Variants in LYST observed in about 807,000 individuals in gnomAD.
LYST encodes lysosomal-trafficking regulator.
A neutral mutation model predicts 413.6 loss-of-function variants in LYST; 192 were observed. The ratio of observed to expected loss-of-function variants is 0.46; its 90% CI spans 0.41 to 0.52. The LOEUF is 0.52. Among genes scored for constraint, LYST ranks in the 20% least tolerant of loss-of-function variants. LYST has a pLI of 0.00. For missense variants in LYST, 3,815 were observed against 4,499.9 expected, an observed-to-expected ratio of 0.85 and a Z score of 4.35; for synonymous variants, 1,525 against 1,567.3, an observed-to-expected ratio of 0.97 and a Z score of 0.64.
At chr1:235,680,037 CT>C (rs1216490085) in intron 48 of LYST, among the ~76,000 whole-genome samples, 37 of 143,940 alleles carry the variant, frequency 2.6e-4, no homozygotes, top group African/African-American at 8.7e-4. Context: ...ACACACACAA[CT>C]AAGACTGAAT....
At chr1:235,880,937 C>T (rs1681349930) in intron 1 of LYST, among the ~76,000 whole-genome samples, 3 of 152,086 alleles carry the variant, frequency 2.0e-5, no homozygotes, top group African/African-American at 7.2e-5. Context: ...ACCAGCCTAA[C>T]CAACATGGTG....
chr1:235,882,078 TCACACACACACACA>T (rs71174466), intron 1 of LYST, among the ~76,000 whole-genome samples: 1 of 145,730 alleles, frequency 6.9e-6, no homozygotes. Flanking sequence ...ACTCTTTCTT[TCACACACACACACA>T]CACACACACA....
At chr1:235,777,353 A>G in intron 16 of LYST, 45 bp from the exon 17 acceptor site, 1 of 1,553,352 alleles carries the variant, frequency 6.4e-7, no homozygotes, top group South Asian at 1.1e-5. Context: ...CAAGTTTAAA[A>G]TGCAAGCTAT....
intron 14 of LYST, among the ~76,000 whole-genome samples, chr1:235,782,342 G>T (rs954879817): frequency 1.1e-4 from 17 of 151,648 alleles, no homozygotes; most frequent in African/African-American, 4.1e-4. Flanking sequence ...TTAATTTTTT[G>T]TATTTTTTTT....
At position 235,698,014 on chromosome 1, in the gene LYST, A is replaced by G. The variant is rs139168634; in HGVS notation, c.10375-742T>C. The stretch of plus-strand genomic sequence containing the variant: ...TCCTCCACTTCAAGCAAAAACAGTT[A>G]TTAAAAAGTTTCAAAATGAAGAAGA... On this transcript the variant is annotated intron_variant, in intron 45 of 52. Transcript: ENST00000389793. Among the ~76,000 whole-genome samples the G allele has an allele frequency of 3.1e-3, 467 of 152,334 alleles. 1 individual carries two copies. Among genetic ancestry groups the G allele is most frequent in the African/African-American group, 0.01 (427 of 41,588 alleles).
intron 28 of LYST, among the ~76,000 whole-genome samples, chr1:235,750,959 G>C (rs769531098): frequency 3.3e-5 from 5 of 152,144 alleles, no homozygotes; most frequent in Non-Finnish European, 4.4e-5. Context: ...GGCAGAATCT[G>C]TGTCTGTTTT....
chr1:235,787,010 C>T (rs1256291425), intron 14 of LYST, 190 bp downstream of exon 14: 3 of 473,178 alleles, frequency 6.3e-6, no homozygotes, highest in East Asian at 4.0e-5. Context: ...AACAAACCTG[C>T]ACATTGTGCA....
intron 8 of LYST, among the ~76,000 whole-genome samples, chr1:235,802,635 A>T (rs776795858): frequency 6.6e-6 from 1 of 152,106 alleles, no homozygotes; most frequent in Non-Finnish European, 1.5e-5. Context: ...TCTGGTATTT[A>T]TTGTCTTTCA....
At chr1:235,827,090 G>A (rs1675418618) in intron 3 of LYST, among the ~76,000 whole-genome samples, 1 of 152,012 alleles carries the variant, frequency 6.6e-6, no homozygotes, top group Non-Finnish European at 1.5e-5. Flanking sequence ...TAAGCTGGGC[G>A]CAGTGGCTCA....
chr1:235,813,496 G>C (rs910615851), intron 3 of LYST, among the ~76,000 whole-genome samples: 1 of 152,118 alleles, frequency 6.6e-6, no homozygotes, highest in East Asian at 1.9e-4. Flanking sequence ...AAGAGAAATT[G>C]ACATTATTAA....
chr1:235,671,256 G>A (rs1447806735), intron 50 of LYST, among the ~76,000 whole-genome samples: 3 of 152,032 alleles, frequency 2.0e-5, no homozygotes, highest in Non-Finnish European at 4.4e-5. Flanking sequence ...CTGTTTTTAT[G>A]GAGTTTACAT....
chr1:235,693,530 G>A (rs373816415), intron 46 of LYST, 44 bp from the exon 47 acceptor site: 25 of 1,611,550 alleles, frequency 1.6e-5, no homozygotes, highest in Admixed American at 1.2e-4. Context: ...GTCACTGCTC[G>A]ACTGTTACAT....
intron 1 of LYST, among the ~76,000 whole-genome samples, chr1:235,881,242 G>A (rs896993764): frequency 2.0e-5 from 3 of 152,166 alleles, no homozygotes; most frequent in East Asian, 1.9e-4. Flanking sequence ...ACACTGTCAC[G>A]TTTCAACAGG....
intron 10 of LYST, among the ~76,000 whole-genome samples, chr1:235,794,267 A>C (rs1190938516): frequency 6.6e-6 from 1 of 152,220 alleles, no homozygotes; most frequent in Non-Finnish European, 1.5e-5. Context: ...TCTTATCTTG[A>C]AAATGTTTAA....
In LYST at chr1:235,746,493, C is replaced by T. The variant is rs1665939467; in HGVS notation, c.7815G>A (p.Ser2605=). The T allele has an allele frequency of 1.2e-6, 2 of 1,613,600 alleles. No homozygotes were observed. The highest frequency in any genetic ancestry group is 1.7e-6 in the Non-Finnish European group (2 of 1,179,792). Reference sequence around the variant, plus strand: ...CCACTGAACGCATTTTCATCAGAAGCGATTCAGTTTGAGCAAGGGGAAATT... The same window carrying T: ...CCACTGAACGCATTTTCATCAGAAGTGATTCAGTTTGAGCAAGGGGAAATT... The part of the protein sequence containing the change: ...PRKFPLAQTE[S]LLMKMRSVAN... Residue 2605 remains serine (S), a synonymous_variant, in exon 29 of 53, where the codon TCG becomes TCA. Coordinates refer to ENST00000389793, the MANE Select transcript of LYST (RefSeq NM_000081.4).
chr1:235,822,509 TTAC>T (rs1470214544), intron 3 of LYST, among the ~76,000 whole-genome samples: 1 of 152,154 alleles, frequency 6.6e-6, no homozygotes, highest in Non-Finnish European at 1.5e-5. Context: ...TGCAACAAAA[TTAC>T]TACATGTGAA....
chr1:235,859,660 A>C (rs1175651331), intron 1 of LYST, among the ~76,000 whole-genome samples: 1 of 152,180 alleles, frequency 6.6e-6, no homozygotes, highest in East Asian at 1.9e-4. Context: ...CTGCATCCCC[A>C]TTCACCCTCA....
chr1:235,720,617 A>G (rs750034738), intron 40 of LYST, 44 bp downstream of exon 40: 12 of 1,596,648 alleles, frequency 7.5e-6, no homozygotes, highest in Admixed American at 6.7e-5. Context: ...GAAATACAAC[A>G]TATGGATGGA....
intron 45 of LYST, among the ~76,000 whole-genome samples, chr1:235,698,134 T>G (rs964718544): frequency 2.0e-5 from 3 of 152,234 alleles, no homozygotes; most frequent in African/African-American, 7.2e-5. Flanking sequence ...CTCTTCTTTT[T>G]TAATGGATTC....
Sources: gnomAD v4.1 joint callset for allele counts (sites outside exome capture counted in the v4.1 genomes callset) on GRCh38, gnomAD v4.1.1 for gene constraint, MANE v1.5 for transcripts, NCBI Gene and HGNC (gene_info 2026-07-23, HGNC 2026-07-21) for gene names.